The following PPP1R37 variants were observed in gnomAD, a reference collection of about 807,000 sequenced individuals.
The protein encoded by PPP1R37 is leucine rich repeat containing 68.
In PPP1R37, 21 loss-of-function variants were observed where a neutral mutation model predicts 61.0. The ratio of observed to expected loss-of-function variants is 0.34; its 90% CI spans 0.24 to 0.50. PPP1R37 has a LOEUF of 0.50. Among genes scored for constraint, PPP1R37 ranks in the 20% least tolerant of loss-of-function variants. The probability of loss-of-function intolerance (pLI) is 0.98; values close to 1 mark genes in which losing one functional copy is unlikely to be tolerated. For synonymous variants in PPP1R37, 443 were observed against 433.5 expected (o/e 1.02, Z -0.27); for missense variants, 910 against 952.7 (o/e 0.96, Z 0.59).
rs1968641931 is a variant in PPP1R37, at chr19:45,143,560, A to G, written c.914A>G (p.Lys305Arg). The G allele has an allele frequency of 1.3e-6, 2 of 1,535,772 alleles. No individual in the cohort carries two copies. The highest frequency in any genetic ancestry group is 1.4e-5 in the African/African-American group (1 of 73,050). ...TGCGAGGGCCTCAAGGAGCAGAGGA[A>G]GGGGCTGGTGACCCTGGTGCTGTGG... ...YICEGLKEQR[K>R]GLVTLVLWNN... Residue 305 changes from lysine to arginine, a missense_variant, in exon 8 of 13, where the codon AAG (lysine) becomes AGG (arginine). Lys to Arg is a conservative substitution (Grantham distance 26). Around this residue, in one of 3 missense-constraint regions of PPP1R37, gnomAD observed 280 missense variants for 382.2 expected, o/e 0.73. Transcript: ENST00000221462.
intron 1 of PPP1R37, among the ~76,000 whole-genome samples, chr19:45,111,286 T>A (rs962270951): frequency 6.7e-6 from 1 of 148,452 alleles, no homozygotes; most frequent in Non-Finnish European, 1.5e-5. Context: ...TATTATTATT[T>A]TTAATTGAGA....
chr19:45,101,673 A>C (rs1968064431), intron 1 of PPP1R37, among the ~76,000 whole-genome samples: 1 of 152,214 alleles, frequency 6.6e-6, no homozygotes, highest in Non-Finnish European at 1.5e-5. Flanking sequence ...AGCTGTGATC[A>C]CACCACTGCC....
intron 1 of PPP1R37, among the ~76,000 whole-genome samples, chr19:45,106,262 A>G (rs1308519861): frequency 1.3e-5 from 2 of 151,148 alleles, no homozygotes; most frequent in East Asian, 3.9e-4. Context: ...TTTTTTTGAG[A>G]TGGAGTTTCG....
At chr19:45,145,322 T>C in intron 10 of PPP1R37, 31 bp from the exon 11 acceptor site, 7 of 1,524,736 alleles carry the variant, frequency 4.6e-6, no homozygotes, top group Non-Finnish European at 6.1e-6. Flanking sequence ...GGGGCCGGCC[T>C]GAGAGCCCTA....
Position 45,093,280 on chromosome 19 carries a change from G to C in PPP1R37, c.-46G>C. On this transcript the variant is annotated 5_prime_UTR_variant, in exon 1 of 13. Coordinates refer to ENST00000221462, the MANE Select transcript of PPP1R37 (RefSeq NM_019121.2). ...GCGGACCCGGAGAGACAAATCCGGG[G>C]CCCGGGGCATGTCCCCGGGGCCCCC... The C allele has an allele frequency of 1.5e-6, 2 of 1,330,152 alleles. No homozygotes were observed. Among genetic ancestry groups the C allele is most frequent in the Non-Finnish European group, 1.9e-6 (2 of 1,036,486 alleles). The allele number at this position is 1,330,152 out of a possible 1,614,324, so 82.4% of individuals were successfully genotyped here.
intron 8 of PPP1R37, chr19:45,144,578 C>G: frequency 2.1e-6 from 1 of 467,554 alleles, no homozygotes; most frequent in Non-Finnish European, 3.8e-6. Context: ...GGTCCAGGCC[C>G]TGGCCAGGGG....
Position 45,142,439 on chromosome 19 carries a change from C to T in PPP1R37, c.855C>T (p.Asn285=). 1 of 1,536,120 alleles carries T rather than the reference C, an allele frequency of 6.5e-7. No individual in the cohort carries two copies. Among genetic ancestry groups the T allele is most frequent in the Non-Finnish European group, 8.7e-7 (1 of 1,146,912 alleles). The change falls in exon 7 of 13, where the codon AAC becomes AAT. Residue 285 remains asparagine, a synonymous_variant. Transcript: ENST00000221462. ...CCCTGCAGATCCTGGACCTCCGGAA[C>T]AACCACGTGCTAGACTCGGGTGGGT... ...NCSLQILDLR[N]NHVLDSGLAY...
intron 1 of PPP1R37, among the ~76,000 whole-genome samples, chr19:45,095,183 T>A (rs558295227): frequency 2.6e-5 from 4 of 152,220 alleles, no homozygotes; most frequent in African/African-American, 9.6e-5. Context: ...TGAATGACAG[T>A]TTGGCTACTT....
At chr19:45,125,447 G>A (rs968313603) in intron 1 of PPP1R37, among the ~76,000 whole-genome samples, 1 of 152,160 alleles carries the variant, frequency 6.6e-6, no homozygotes, top group African/African-American at 2.4e-5. Flanking sequence ...TGGCGACAGC[G>A]AGACTCCATC....
chr19:45,140,798 G>A (rs1318724359), intron 4 of PPP1R37, 192 bp downstream of exon 4: 1 of 590,616 alleles, frequency 1.7e-6, no homozygotes, highest in Non-Finnish European at 3.0e-6. Context: ...GGGCGCGTTG[G>A]GGCACCTATG....
chr19:45,098,114 T>A (rs1968016962), intron 1 of PPP1R37, among the ~76,000 whole-genome samples: 1 of 151,970 alleles, frequency 6.6e-6, no homozygotes, highest in Non-Finnish European at 1.5e-5. Flanking sequence ...CACAGCCAGG[T>A]GTGTGTAGAT....
In PPP1R37 at chr19:45,120,014, C is replaced by CTTTTTTTTTTTTTTTTTTTTTTT. The variant is rs11312138; in HGVS notation, c.203-18479_203-18478insTTTTTTTTTTTTTTTTTTTTTTT. On this transcript the variant is annotated intron_variant, in intron 1 of 12. Transcript: ENST00000221462. ...AGCACAGATTTTTTATTTTCCCCTT[C>CTTTTTTTTTTTTTTTTTTTTTTT]TTTTTTTTTTTTTTTTTTTTTGAGA... is the stretch of plus-strand genomic sequence containing the variant. Among the ~76,000 whole-genome samples the CTTTTTTTTTTTTTTTTTTTTTTT allele has an allele frequency of 3.1e-3, 256 of 83,564 alleles. 12 individuals are homozygous for CTTTTTTTTTTTTTTTTTTTTTTT. The highest frequency in any genetic ancestry group is 8.3e-3 in the Middle Eastern group (1 of 120). The allele number at this position is 83,564 out of a possible 152,430, so 54.8% of individuals were successfully genotyped here. A position where few individuals can be genotyped will look rare whatever the true frequency, so the allele number is the denominator to read the frequency against.
chr19:45,099,630 C>G (rs1379727345), intron 1 of PPP1R37, among the ~76,000 whole-genome samples: 1 of 152,248 alleles, frequency 6.6e-6, no homozygotes, highest in Admixed American at 6.5e-5. Flanking sequence ...GTTGGGCCGC[C>G]TGATTCTTTG....
chr19:45,115,765 C>T (rs943986446), intron 1 of PPP1R37, among the ~76,000 whole-genome samples: 16 of 151,964 alleles, frequency 1.1e-4, no homozygotes, highest in Non-Finnish European at 1.5e-4. Flanking sequence ...ATCTGAGGTC[C>T]GGAGTTCGAG....
At chr19:45,107,992 C>T (rs1968154549) in intron 1 of PPP1R37, among the ~76,000 whole-genome samples, 1 of 152,162 alleles carries the variant, frequency 6.6e-6, no homozygotes, top group African/African-American at 2.4e-5. Flanking sequence ...CGTCCTTGTC[C>T]ATAAATCTTC....
Position 45,140,217 on chromosome 19 carries a change from C to T in PPP1R37, c.301-19C>T. Reference sequence around the variant, plus strand: ...CTGTTCAAGTGTCTTCCTGCCTTAACCCCACTCTACTTTCTCAGGAATTCA... The same window carrying T: ...CTGTTCAAGTGTCTTCCTGCCTTAATCCCACTCTACTTTCTCAGGAATTCA... On this transcript the variant is annotated intron_variant, in intron 2 of 12. Transcript: ENST00000221462. 6.5e-7 allele frequency: 1 copy of T among 1,535,054 alleles called. No individual in the cohort carries two copies.
chr19:45,110,635 G>A (rs1307338532), intron 1 of PPP1R37, among the ~76,000 whole-genome samples: 2 of 152,054 alleles, frequency 1.3e-5, no homozygotes, highest in African/African-American at 4.8e-5. Flanking sequence ...ACGGCTGTCT[G>A]CCTAGCCCAG....
Position 45,145,503 on chromosome 19 carries a change from C to T in PPP1R37, c.1447C>T (p.Gln483Ter). The T allele has an allele frequency of 6.5e-7, 1 of 1,534,298 alleles. No individual in the cohort carries two copies. Among genetic ancestry groups the T allele is most frequent in the Non-Finnish European group, 8.7e-7 (1 of 1,146,160 alleles). ...SMPETTATEPQPDDEPAAGVQ... is the reference protein window; with the variant it reads ...SMPETTATEP ...GCCTGAGACCACCGCCACCGAGCCC[C>T]AGCCCGACGACGAGCCCGCCGCTGG... Residue 483 changes from glutamine to a stop codon, truncating the protein, a stop_gained, in exon 11 of 13, where the codon CAG (glutamine) becomes TAG (stop). Coordinates refer to ENST00000221462, the MANE Select transcript of PPP1R37 (RefSeq NM_019121.2). LOFTEE classifies it high-confidence loss of function.
At position 45,097,241 on chromosome 19, in the gene PPP1R37, CA is replaced by C. The variant is rs371189192; in HGVS notation, c.202+3715del. Among the ~76,000 whole-genome samples the C allele has an allele frequency of 1.6e-3, 235 of 151,250 alleles. 3 individuals are homozygous for C. The highest frequency in any genetic ancestry group is 6.8e-4 in the Non-Finnish European group (46 of 67,806). On this transcript the variant is annotated intron_variant, in intron 1 of 12. Transcript: ENST00000221462. The stretch of plus-strand genomic sequence containing the variant: ...CAATCTCATAAGCTGTGGGGAGGGA[CA>C]GGGGGTGTCATTTGAGCTGTGGATC...
Sources: gnomAD v4.1 joint callset for allele counts (sites outside exome capture counted in the v4.1 genomes callset) on GRCh38, gnomAD v4.1.1 for gene constraint, gnomAD v4.1.1 regional missense constraint, MANE v1.5 for transcripts, NCBI Gene and HGNC (gene_info 2026-07-23, HGNC 2026-07-21) for gene names.